WDR35: variants seen among roughly 807,000 people sequenced by gnomAD.
WDR35 encodes the protein WD repeat domain 35, also known as WD repeat-containing protein 35.
Under a neutral mutation model 158.3 loss-of-function variants are expected in WDR35, and 118 were observed. The observed-to-expected ratio is 0.75, with a 90% CI of 0.64 to 0.87. The LOEUF (loss-of-function observed/expected upper bound fraction) is 0.87, where lower values mean the gene tolerates loss of function less well. Ranked by LOEUF, WDR35 falls within the 40% of genes least tolerant of loss-of-function variation. The pLI is 0.00. For missense variants in WDR35, 1,263 were observed against 1,405.8 expected (o/e 0.90, Z 1.62); for synonymous variants, 448 against 476.1 (o/e 0.94, Z 0.77).
chr2:19,962,369 T>A, intron 10 of WDR35: 1 of 1,606,904 alleles, frequency 6.2e-7, no homozygotes, highest in Admixed American at 1.7e-5. Flanking sequence ...TTCAGAAAAA[T>A]TCAGTTAACT....
At chr2:19,938,568 G>A (rs1028596666) in intron 17 of WDR35, among the ~76,000 whole-genome samples, 167 bp from the exon 18 acceptor site, 1 of 152,014 alleles carries the variant, frequency 6.6e-6, no homozygotes, top group Non-Finnish European at 1.5e-5. Context: ...TGAGTTATCT[G>A]GAAAACACCA....
chr2:19,973,688 C>T lies in WDR35; in HGVS notation c.757G>A (p.Gly253Ser), dbSNP rs533682931. 1.9e-6 allele frequency: 3 copies of T among 1,613,984 alleles called. No individual in the cohort carries two copies. The highest frequency in any genetic ancestry group is 2.2e-5 in the South Asian group (2 of 91,056). ...NDQNPVLIDT[G>S]MYVVGIQWNH... ...CACTGGATGCCTACTACGTACATGC[C>T]AGTGTCAATCAAAACGGGATCTAGT... The change falls in exon 8 of 27, where the codon GGC becomes AGC. Residue 253 changes from glycine to serine, a missense_variant. Transcript: ENST00000281405.
At chr2:19,921,409 T>G (rs1450018830) in intron 25 of WDR35, among the ~76,000 whole-genome samples, 2 of 152,142 alleles carry the variant, frequency 1.3e-5, no homozygotes, top group Non-Finnish European at 2.9e-5. Flanking sequence ...AATAGAGGCC[T>G]CAGAAACAAC....
At chr2:19,940,341 T>C (rs1264664346) in intron 17 of WDR35, among the ~76,000 whole-genome samples, 1 of 151,942 alleles carries the variant, frequency 6.6e-6, no homozygotes, top group Non-Finnish European at 1.5e-5. Flanking sequence ...CACTCCAGCC[T>C]GGGCAACAGA....
At position 19,938,361 on chromosome 2, in the gene WDR35, T is replaced by C. The variant is rs757630479; in HGVS notation, c.1967A>G (p.Glu656Gly). The change falls in exon 18 of 27, where the codon GAG becomes GGG. Residue 656 changes from glutamate to glycine, a missense_variant. Coordinates refer to ENST00000281405, the MANE Select transcript of WDR35 (RefSeq NM_020779.4). ...TCGGCTATCTCGCAGAGACCGAATC[T>C]CAAAGTTAATTAGGTAATCCTTGTT... is the stretch of plus-strand genomic sequence containing the variant. ...HPNKDYLINF[E>G]IRSLRDSRAL... The C allele has an allele frequency of 4.3e-6, 7 of 1,614,012 alleles. No individual in the cohort carries two copies. In the South Asian group the frequency reaches 6.6e-5, roughly 15 times the overall value.
At chr2:19,989,142 C>T (rs745661239) in intron 2 of WDR35, 23 bp downstream of exon 2, 22 of 1,602,414 alleles carry the variant, frequency 1.4e-5, no homozygotes, top group Middle Eastern at 1.6e-4. Context: ...TACTACCAAA[C>T]ATGTGGGCTT....
At chr2:19,968,118 G>A (rs1370224479) in intron 9 of WDR35, among the ~76,000 whole-genome samples, 1 of 152,120 alleles carries the variant, frequency 6.6e-6, no homozygotes, top group Non-Finnish European at 1.5e-5. Flanking sequence ...TTTTCCTCAT[G>A]CTTAGATTGG....
chr2:19,969,849 G>A (rs1007091042), intron 8 of WDR35, among the ~76,000 whole-genome samples: 2 of 150,948 alleles, frequency 1.3e-5, no homozygotes, highest in South Asian at 2.1e-4. Flanking sequence ...CCAGGTTCAC[G>A]CCATTCTCCT....
intron 11 of WDR35, among the ~76,000 whole-genome samples, chr2:19,958,028 T>C (rs1671505747): frequency 6.6e-6 from 1 of 152,258 alleles, no homozygotes; most frequent in African/African-American, 2.4e-5. Flanking sequence ...AATAAATGCC[T>C]ACATCTGTAA....
chr2:19,973,809 C>CA, intron 7 of WDR35, 101 bp from the exon 8 acceptor site: 1 of 1,490,428 alleles, frequency 6.7e-7, no homozygotes. Flanking sequence ...AAACTTTCCA[C>CA]ATTTTTAAAA....
intron 17 of WDR35, among the ~76,000 whole-genome samples, chr2:19,939,959 T>C (rs1486927899): frequency 6.6e-6 from 1 of 151,430 alleles, no homozygotes; most frequent in African/African-American, 2.4e-5. Flanking sequence ...ACTGTCTTTT[T>C]AAAGGGCCCT....
chr2:19,989,477 A>G (rs1342203769), intron 1 of WDR35, among the ~76,000 whole-genome samples, 195 bp from the exon 2 acceptor site: 1 of 152,192 alleles, frequency 6.6e-6, no homozygotes, highest in Admixed American at 6.5e-5. Flanking sequence ...AGAGGGAAAG[A>G]AGTGCACAAA....
intron 4 of WDR35, 92 bp from the exon 5 acceptor site, chr2:19,978,971 T>A: frequency 6.5e-7 from 1 of 1,528,950 alleles, no homozygotes; most frequent in Non-Finnish European, 8.9e-7. Context: ...AAGTACGCCA[T>A]GGGACAAATA....
intron 13 of WDR35, 140 bp from the exon 14 acceptor site, chr2:19,948,357 G>T (rs1572339306): frequency 9.9e-6 from 7 of 706,706 alleles, no homozygotes; most frequent in Non-Finnish European, 4.8e-6. Context: ...CACCTACTAT[G>T]TGCCAACCAC....
At chr2:19,984,737 A>C (rs1460006619) in intron 2 of WDR35, among the ~76,000 whole-genome samples, 2 of 152,240 alleles carry the variant, frequency 1.3e-5, no homozygotes, top group African/African-American at 4.8e-5. Flanking sequence ...ATCTTTGAGA[A>C]TCTTTCTCTT....
chr2:19,974,687 G>A (rs909096342), intron 6 of WDR35, 54 bp from the exon 7 acceptor site: 31 of 1,512,760 alleles, frequency 2.0e-5, no homozygotes, highest in Admixed American at 5.5e-5. Context: ...CAGCAGTATA[G>A]AGACAATACT....
chr2:19,910,929 A>G lies in WDR35; in HGVS notation c.*2629T>C, dbSNP rs1001737898. 2 of 152,236 alleles carry G rather than the reference A, an allele frequency of 1.3e-5. No individual in the cohort carries two copies. Among genetic ancestry groups the G allele is most frequent in the African/African-American group, 4.8e-5 (2 of 41,462 alleles). 9.4% of individuals were successfully genotyped at this position (152,236 alleles called of 1,614,324 possible). ...AAGTAAAAAAGATGTGCCTGTCTAT[A>G]TACATATGCGCGCACACACACACGC... On this transcript the variant is annotated 3_prime_UTR_variant, in exon 27 of 27. Coordinates refer to ENST00000281405, the MANE Select transcript of WDR35 (RefSeq NM_020779.4).
At position 19,968,861 on chromosome 2, in the gene WDR35, A is replaced by T. The variant is rs147789001; in HGVS notation, c.1008+619T>A. Among the ~76,000 whole-genome samples the T allele has an allele frequency of 9.2e-5, 14 of 152,260 alleles. No individual in the cohort carries two copies. In the East Asian group the frequency reaches 2.3e-3, roughly 25 times the overall value. ...TGCTTATTCTCATTTTCTCCTTCTA[A>T]TCCATTCTCTGCCCTTCTCTACCCT... On this transcript the variant is annotated intron_variant, in intron 9 of 26. Coordinates refer to ENST00000281405, the MANE Select transcript of WDR35 (RefSeq NM_020779.4).
At chr2:19,920,349 A>G (rs1238520647) in intron 25 of WDR35, among the ~76,000 whole-genome samples, 1 of 152,194 alleles carries the variant, frequency 6.6e-6, no homozygotes, top group Non-Finnish European at 1.5e-5. Context: ...CTGGCAAACC[A>G]AATCCAGCAG....
Sources: gnomAD v4.1 joint callset for allele counts (sites outside exome capture counted in the v4.1 genomes callset) on GRCh38, gnomAD v4.1.1 for gene constraint, MANE v1.5 for transcripts, NCBI Gene and HGNC (gene_info 2026-07-23, HGNC 2026-07-21) for gene names.